PTBP3: variants seen among roughly 807,000 people sequenced by gnomAD.
PTBP3 encodes polypyrimidine tract-binding protein 3.
PTBP3 carries 20 observed loss-of-function variants against 58.7 expected under a neutral mutation model. That is an observed-to-expected ratio of 0.34 (90% CI 0.24 to 0.50). The LOEUF is 0.50. Among genes scored for constraint, PTBP3 ranks in the 20% least tolerant of loss-of-function variants. The probability of loss-of-function intolerance (pLI) is 0.98; values close to 1 mark genes in which losing one functional copy is unlikely to be tolerated. For synonymous variants in PTBP3, 185 were observed against 219.8 expected (o/e 0.84, Z 1.40); for missense variants, 509 against 637.2 (o/e 0.80, Z 2.17).
At chr9:112,354,383 G>A in the PTBP3 span, among the ~76,000 whole-genome samples, 3 of 152,286 alleles carry the variant, frequency 2.0e-5, no homozygotes, top group East Asian at 5.8e-4. Flanking sequence ...GCCTTGAACA[G>A]GCAAACAAGC....
At chr9:112,370,489 C>T in the PTBP3 span, among the ~76,000 whole-genome samples, 1 of 152,002 alleles carries the variant, frequency 6.6e-6, no homozygotes, top group Non-Finnish European at 1.5e-5. Context: ...TGCAGTGAAC[C>T]GAGATTGCGC....
chr9:112,218,154 C>T (rs1834685591), downstream of PTBP3: 1 of 152,232 alleles, frequency 6.6e-6, no homozygotes, highest in African/African-American at 2.4e-5. Context: ...AGCATGCCGC[C>T]ATGCCCCTGC....
In PTBP3 at chr9:112,320,291, A is replaced by AAAAATATAT. The variant is rs1411646280; in HGVS notation, c.-52+13178_-52+13179insATATATTTT. Among the ~76,000 whole-genome samples, 142 of 73,484 alleles carry AAAAATATAT rather than the reference A, an allele frequency of 1.9e-3. 1 individual carries two copies. The highest frequency in any genetic ancestry group is 0.012 in the African/African-American group (135 of 11,012). The allele number at this position is 73,484 out of a possible 152,430, so 48.2% of individuals were successfully genotyped here. A position where few individuals can be genotyped will look rare whatever the true frequency, so the allele number is the denominator to read the frequency against. On this transcript the variant is annotated intron_variant, in intron 1 of 13. Transcript: ENST00000374257. Reference sequence around the variant, plus strand: ...AGACCCTTTCTCTTAAAAAAAAAAAAATATATATATATATATATATATATT... The same window carrying AAAAATATAT: ...AGACCCTTTCTCTTAAAAAAAAAAAAAAAATATATATATATATATATATATATATATATT...
intron 1 of PTBP3, among the ~76,000 whole-genome samples, chr9:112,304,830 G>A (rs529103369): frequency 6.6e-6 from 1 of 151,644 alleles, no homozygotes; most frequent in African/African-American, 2.4e-5. Context: ...TTGCTATTTT[G>A]CCCAGGCTGC....
At chr9:112,311,170 G>T (rs1829456973) in intron 1 of PTBP3, among the ~76,000 whole-genome samples, 1 of 151,930 alleles carries the variant, frequency 6.6e-6, no homozygotes, top group Non-Finnish European at 1.5e-5. Flanking sequence ...AAGGGCCAGG[G>T]CAGTTGCAGT....
chr9:112,347,036 A>G, the PTBP3 span, among the ~76,000 whole-genome samples: 7 of 152,206 alleles, frequency 4.6e-5, no homozygotes, highest in Admixed American at 1.3e-4. Context: ...GATGTATATA[A>G]CCTAGAGCAC....
intron 1 of PTBP3, among the ~76,000 whole-genome samples, chr9:112,298,725 C>T (rs907219806): frequency 6.6e-6 from 1 of 152,300 alleles, no homozygotes; most frequent in South Asian, 2.1e-4. Context: ...AATAGTGCTA[C>T]AGCACATATT....
intron 1 of PTBP3, among the ~76,000 whole-genome samples, chr9:112,319,121 C>T (rs2132429972): frequency 7.0e-6 from 1 of 142,900 alleles, no homozygotes; most frequent in Non-Finnish European, 1.5e-5. Flanking sequence ...CAGCGAAACT[C>T]CGTCTCAAGA....
chr9:112,271,548 C>T (rs2132177417), intron 3 of PTBP3, among the ~76,000 whole-genome samples: 1 of 152,162 alleles, frequency 6.6e-6, no homozygotes, highest in East Asian at 1.9e-4. Flanking sequence ...TGGTGTAACC[C>T]CTTCTCTACT....
At chr9:112,300,114 T>G (rs769523701) in intron 1 of PTBP3, among the ~76,000 whole-genome samples, 6 of 152,306 alleles carry the variant, frequency 3.9e-5, no homozygotes, top group Non-Finnish European at 7.3e-5. Context: ...TAATGTGGGG[T>G]GACAAAAACT....
rs777171794 is a variant in PTBP3, at chr9:112,252,738, A to T, written c.567T>A (p.Asn189Lys). ...ACTGAAGCAAGGCTTGAAACTGATT[A>T]TTCTTTGTAAAGGTGATAATCTTCA... The part of the protein sequence containing the change: ...TVLKIITFTK[N>K]NQFQALLQYA... The change falls in exon 6 of 14, where the codon AAT becomes AAA. Residue 189 changes from asparagine (N) to lysine (K), a missense_variant. Transcript: ENST00000374257. The T allele has an allele frequency of 3.7e-6, 6 of 1,612,674 alleles. 1 individual carries two copies. In the South Asian group the frequency reaches 5.5e-5, roughly 15 times the overall value.
intron 2 of PTBP3, among the ~76,000 whole-genome samples, chr9:112,289,974 G>A (rs959770381): frequency 1.3e-5 from 2 of 152,078 alleles, no homozygotes; most frequent in African/African-American, 2.4e-5. Context: ...CTTAAGCTGA[G>A]AAAGAAATGT....
intron 1 of PTBP3, among the ~76,000 whole-genome samples, chr9:112,322,855 G>A (rs574500398): frequency 1.4e-4 from 21 of 152,344 alleles, no homozygotes; most frequent in African/African-American, 4.8e-4. Context: ...TGGACCCCGA[G>A]GTGGTAGGTC....
chr9:112,340,598 T>C, the PTBP3 span, among the ~76,000 whole-genome samples: 2 of 152,200 alleles, frequency 1.3e-5, no homozygotes, highest in African/African-American at 2.4e-5. Flanking sequence ...ATCTCTTGTT[T>C]AGGGCCGGGT....
chr9:112,289,047 G>GA (rs1158508534), intron 2 of PTBP3, among the ~76,000 whole-genome samples: 3 of 152,216 alleles, frequency 2.0e-5, no homozygotes, highest in African/African-American at 7.2e-5. Context: ...GTGCCTATCA[G>GA]AAAAAAGGAC....
intron 5 of PTBP3, among the ~76,000 whole-genome samples, 185 bp from the exon 6 acceptor site, chr9:112,252,973 G>A (rs542077515): frequency 1.2e-4 from 18 of 152,088 alleles, no homozygotes; most frequent in East Asian, 3.9e-4. Flanking sequence ...AACAACGCCC[G>A]GTACACAACA....
intron 1 of PTBP3, among the ~76,000 whole-genome samples, chr9:112,305,248 T>C (rs1829125161): frequency 7.0e-6 from 1 of 143,486 alleles, no homozygotes; most frequent in African/African-American, 2.6e-5. Flanking sequence ...TGAAATATCA[T>C]GCCTGAAAGG....
At chr9:112,231,010 T>G (rs1835178017) in intron 10 of PTBP3, among the ~76,000 whole-genome samples, 1 of 140,910 alleles carries the variant, frequency 7.1e-6, no homozygotes, top group African/African-American at 3.2e-5. Flanking sequence ...TTGCCTATGC[T>G]CACCACTGGG....
intron 7 of PTBP3, among the ~76,000 whole-genome samples, chr9:112,246,477 G>A (rs1333329145): frequency 6.6e-6 from 1 of 151,692 alleles, no homozygotes; most frequent in East Asian, 2.0e-4. Flanking sequence ...GGCGGATCAC[G>A]AGGTCAGGAG....
Sources: gnomAD v4.1 joint callset for allele counts (sites outside exome capture counted in the v4.1 genomes callset) on GRCh38, gnomAD v4.1.1 for gene constraint, MANE v1.5 for transcripts, NCBI Gene and HGNC (gene_info 2026-07-23, HGNC 2026-07-21) for gene names.